Variants in THNSL1 observed in about 807,000 individuals in gnomAD.
THNSL1 encodes threonine synthase like 1.
A neutral mutation model predicts 50.4 loss-of-function variants in THNSL1; 48 were observed. That is an observed-to-expected ratio of 0.95 (90% CI 0.76 to 1.21). The LOEUF is 1.21. THNSL1 is among the 50% of genes most tolerant of loss of function. The pLI is 0.00. For missense variants in THNSL1, 896 were observed against 871.7 expected, an observed-to-expected ratio of 1.03 and a Z score of -0.35; for synonymous variants, 309 against 306.1, an observed-to-expected ratio of 1.01 and a Z score of -0.10.
the THNSL1 span, among the ~76,000 whole-genome samples, chr10:24,967,830 G>A: frequency 2.6e-5 from 4 of 151,698 alleles, no homozygotes; most frequent in Admixed American, 1.3e-4. Flanking sequence ...TGTATATGAT[G>A]TGTGTATGTC....
the THNSL1 span, among the ~76,000 whole-genome samples, chr10:25,005,189 G>C: frequency 2.3e-3 from 354 of 152,244 alleles, 4 homozygotes; most frequent in African/African-American, 7.3e-3. Flanking sequence ...AAGTCAGGCA[G>C]TGTCATGGAT....
upstream of THNSL1, among the ~76,000 whole-genome samples, chr10:25,012,952 T>C (rs1156660047): frequency 1.3e-5 from 2 of 152,208 alleles, no homozygotes; most frequent in Non-Finnish European, 1.5e-5. Context: ...AATTCCCATA[T>C]GTCATGGGAG....
the THNSL1 span, among the ~76,000 whole-genome samples, chr10:24,963,558 C>T: frequency 2.0e-5 from 3 of 152,150 alleles, no homozygotes; most frequent in South Asian, 4.1e-4. Context: ...AAACCTGGAA[C>T]GTACAGTTCT....
rs1008307577 is a variant in THNSL1 at position 25,023,330 on chromosome 10, C to T, written c.107C>T (p.Thr36Ile). 1.2e-5 allele frequency: 20 copies of T among 1,613,966 alleles called. No homozygotes were observed. The highest frequency in any genetic ancestry group is 1.6e-5 in the Non-Finnish European group (19 of 1,179,994). ...DKHAQRFLSR[T>I]FALAELRKSW... Reference sequence around the variant, plus strand: ...CATGCACAGCGATTTCTTTCAAGAACCTTTGCACTTGCGGAATTGAGGAAG... The same window carrying T: ...CATGCACAGCGATTTCTTTCAAGAATCTTTGCACTTGCGGAATTGAGGAAG... The change falls in exon 3 of 3, where the codon ACC (threonine) becomes ATC (isoleucine). Residue 36 changes from threonine (T) to isoleucine (I), a missense_variant. Transcript: ENST00000376356.
the THNSL1 span, among the ~76,000 whole-genome samples, chr10:25,005,462 G>A: frequency 4.0e-5 from 6 of 151,742 alleles, no homozygotes; most frequent in African/African-American, 7.3e-5. Flanking sequence ...GCTTAATTGA[G>A]ATTTTTTTTT....
chr10:24,987,508 G>C, the THNSL1 span, among the ~76,000 whole-genome samples: 1 of 152,084 alleles, frequency 6.6e-6, no homozygotes, highest in Non-Finnish European at 1.5e-5. Context: ...AATCAGCCAG[G>C]CATGGTGGTA....
At chr10:25,013,678 C>G (rs1850501622), upstream of THNSL1, among the ~76,000 whole-genome samples, 1 of 152,220 alleles carries the variant, frequency 6.6e-6, no homozygotes, top group African/African-American at 2.4e-5. Flanking sequence ...CGTGGTGGCT[C>G]ACGCCTATAA....
upstream of THNSL1, chr10:25,015,968 CCA>C: frequency 6.3e-7 from 1 of 1,590,610 alleles, no homozygotes; most frequent in Non-Finnish European, 8.6e-7. Context: ...AAGCTACTCT[CCA>C]CAACTTTTTT....
At chr10:24,996,436 A>G in the THNSL1 span, among the ~76,000 whole-genome samples, 1 of 148,516 alleles carries the variant, frequency 6.7e-6, no homozygotes, top group Non-Finnish European at 1.5e-5. Flanking sequence ...AAGATCATAT[A>G]TGTGTGTGTG....
the THNSL1 span, among the ~76,000 whole-genome samples, chr10:24,968,367 T>C: frequency 6.6e-6 from 1 of 152,082 alleles, no homozygotes; most frequent in Admixed American, 6.5e-5. Flanking sequence ...AAATTCAATG[T>C]CTTGCCTAGC....
the THNSL1 span, among the ~76,000 whole-genome samples, chr10:24,963,897 T>C: frequency 1.3e-5 from 2 of 152,220 alleles, no homozygotes; most frequent in African/African-American, 4.8e-5. Context: ...TGGACAGCTC[T>C]GTCATGCTGT....
chr10:24,996,932 C>T, the THNSL1 span, among the ~76,000 whole-genome samples: 1,721 of 152,258 alleles, frequency 0.011, 22 homozygotes, highest in Non-Finnish European at 0.02. Flanking sequence ...AGAGAAGGCG[C>T]TGATCCAATA....
At chr10:24,970,779 T>A in the THNSL1 span, among the ~76,000 whole-genome samples, 1 of 151,340 alleles carries the variant, frequency 6.6e-6, no homozygotes. Flanking sequence ...ATCCCAGCAC[T>A]TTGGGAGGCT....
the THNSL1 span, chr10:24,995,630 T>C: frequency 2.5e-6 from 4 of 1,595,438 alleles, no homozygotes; most frequent in Non-Finnish European, 3.4e-6. Context: ...CTCTTATTAA[T>C]ATACCACAAG....
rs1182685602 is a variant in THNSL1, at chr10:25,024,217, C to T, written c.994C>T (p.His332Tyr). ...FACSKIAPVR[H>Y]LSGNQFILEL... Reference sequence around the variant, plus strand: ...CTGCTCAAAAATTGCTCCTGTCAGGCACCTTTCAGGCAACCAGTTCATCCT... The same window carrying T: ...CTGCTCAAAAATTGCTCCTGTCAGGTACCTTTCAGGCAACCAGTTCATCCT... The change falls in exon 3 of 3, where the codon CAC becomes TAC. Residue 332 changes from histidine to tyrosine, a missense_variant. Physicochemically the swap from His to Tyr is moderately conservative, Grantham distance 83. Coordinates refer to ENST00000376356, the MANE Select transcript of THNSL1 (RefSeq NM_024838.5). The T allele has an allele frequency of 1.9e-6, 3 of 1,614,076 alleles. No homozygotes were observed. In the African/African-American group the frequency reaches 4.0e-5, roughly 22 times the overall value.
Position 25,025,692 on chromosome 10 carries a change from G to T in THNSL1, c.*237G>T. Reference sequence around the variant, plus strand: ...CGGACCTTTGAGCTATCATACTTTTGCCTTCTGCTCATGAGGGGTGTATCA... The same window carrying T: ...CGGACCTTTGAGCTATCATACTTTTTCCTTCTGCTCATGAGGGGTGTATCA... On this transcript the variant is annotated 3_prime_UTR_variant, in exon 3 of 3. Coordinates refer to ENST00000376356, the MANE Select transcript of THNSL1 (RefSeq NM_024838.5). 2.1e-6 allele frequency: 1 copy of T among 468,394 alleles called. No individual in the cohort carries two copies. Among genetic ancestry groups the T allele is most frequent in the South Asian group, 3.6e-5 (1 of 27,574 alleles). The allele number at this position is 468,394 out of a possible 1,614,324, so 29.0% of individuals were successfully genotyped here. A position where few individuals can be genotyped will look rare whatever the true frequency, so the allele number is the denominator to read the frequency against.
chr10:24,984,809 C>G, the THNSL1 span: 3 of 1,613,814 alleles, frequency 1.9e-6, no homozygotes, highest in Non-Finnish European at 2.5e-6. Flanking sequence ...ATTTCTTCTT[C>G]CAGCCTCTGC....
At position 25,025,638 on chromosome 10, in the gene THNSL1, C is replaced by T. The variant is rs1303586433; in HGVS notation, c.*183C>T. 2 of 623,778 alleles carry T rather than the reference C, an allele frequency of 3.2e-6. No homozygotes were observed. The highest frequency in any genetic ancestry group is 1.8e-5 in the African/African-American group (1 of 54,076). 38.6% of individuals were successfully genotyped at this position (623,778 alleles called of 1,614,324 possible). ...CATGTCACCTCCTCAGATCTTTAAT[C>T]TGGAAGTGACAAAAGGTAACACAGT... On this transcript the variant is annotated 3_prime_UTR_variant, in exon 3 of 3. Transcript: ENST00000376356.
At chr10:24,990,459 A>C in the THNSL1 span, 11 of 1,609,928 alleles carry the variant, frequency 6.8e-6, no homozygotes, top group East Asian at 1.1e-4. Flanking sequence ...GGCAGAACAC[A>C]CACCTGCAAA....
Sources: allele counts gnomAD v4.1 joint callset (sites outside exome capture counted in the v4.1 genomes callset), GRCh38; gene constraint gnomAD v4.1.1; transcripts MANE v1.5; gene names NCBI Gene and HGNC (gene_info 2026-07-23, HGNC 2026-07-21).